TLL2: variants seen among roughly 807,000 people sequenced by gnomAD.
TLL2 encodes tolloid like 2.
Under a neutral mutation model 123.0 loss-of-function variants are expected in TLL2, and 106 were observed. That is an observed-to-expected ratio of 0.86 (90% confidence interval 0.74 to 1.01). TLL2 has a LOEUF of 1.01. Among genes scored for constraint, TLL2 ranks in the 50% least tolerant of loss-of-function variants. The pLI is 0.00. For synonymous variants in TLL2, 494 were observed against 516.8 expected, an observed-to-expected ratio of 0.96 and a Z score of 0.60; for missense variants, 1,332 against 1,336.7, an observed-to-expected ratio of 1.00 and a Z score of 0.06.
At chr10:96,476,240 A>ATTTTTTTTTTT (rs1554939630) in intron 2 of TLL2, among the ~76,000 whole-genome samples, 1 of 20,490 alleles carries the variant, frequency 4.9e-5, no homozygotes, top group African/African-American at 1.7e-4. Context: ...ATATATATAT[A>ATTTTTTTTTTT]TTTTATTTTT....
intron 1 of TLL2, among the ~76,000 whole-genome samples, chr10:96,492,239 G>A (rs1257262143): frequency 2.6e-4 from 39 of 149,526 alleles, no homozygotes; most frequent in Admixed American, 1.3e-4. Flanking sequence ...AAAAAAAAAA[G>A]GCCATGAGGG....
intron 3 of TLL2, among the ~76,000 whole-genome samples, chr10:96,435,955 G>A (rs1227574752): frequency 6.6e-6 from 1 of 151,820 alleles, no homozygotes; most frequent in African/African-American, 2.4e-5. Flanking sequence ...TTTCTTCTTT[G>A]ACCTCTGAAT....
intron 1 of TLL2, among the ~76,000 whole-genome samples, chr10:96,512,335 T>G (rs1214025466): frequency 2.0e-5 from 3 of 152,190 alleles, no homozygotes; most frequent in African/African-American, 7.2e-5. Flanking sequence ...TGCAGAGAAT[T>G]TTCCCACAAA....
At chr10:96,423,918 GA>G (rs1846651510) in intron 5 of TLL2, among the ~76,000 whole-genome samples, 1 of 152,128 alleles carries the variant, frequency 6.6e-6, no homozygotes, top group Non-Finnish European at 1.5e-5. Flanking sequence ...AATGGATAAA[GA>G]AAATGTGTAC....
At chr10:96,466,066 G>T (rs909681652) in intron 2 of TLL2, among the ~76,000 whole-genome samples, 1 of 152,244 alleles carries the variant, frequency 6.6e-6, no homozygotes, top group Admixed American at 6.5e-5. Flanking sequence ...GGAAAGTCAT[G>T]CCTATAGGTG....
chr10:96,367,685 A>C lies in TLL2; in HGVS notation c.*403T>G, dbSNP rs994787506. On this transcript the variant is annotated 3_prime_UTR_variant, in exon 21 of 21. Coordinates refer to ENST00000357947, the MANE Select transcript of TLL2 (RefSeq NM_012465.4). ...GGCCAAGTTTTCATCCCTTATGCCC[A>C]ACATGGACAGAAGACAGCCTGGCAC... The C allele has an allele frequency of 6.0e-6, 1 of 166,622 alleles. No homozygotes were observed. The highest frequency in any genetic ancestry group is 2.4e-5 in the African/African-American group (1 of 42,020). 10.3% of individuals were successfully genotyped at this position (166,622 alleles called of 1,614,324 possible). A position where few individuals can be genotyped will look rare whatever the true frequency, so the allele number is the denominator to read the frequency against.
chr10:96,392,439 G>C (rs924059084), intron 13 of TLL2, among the ~76,000 whole-genome samples: 8 of 150,438 alleles, frequency 5.3e-5, no homozygotes, highest in African/African-American at 2.0e-4. Flanking sequence ...AATGTAACTA[G>C]GCATCCTGTT....
intron 2 of TLL2, among the ~76,000 whole-genome samples, chr10:96,478,369 G>C (rs1305164486): frequency 6.6e-6 from 1 of 152,214 alleles, no homozygotes; most frequent in East Asian, 1.9e-4. Flanking sequence ...TCTTCTAAAT[G>C]AGTATGCACC....
At chr10:96,457,487 C>A (rs1169249529) in intron 2 of TLL2, among the ~76,000 whole-genome samples, 1 of 152,214 alleles carries the variant, frequency 6.6e-6, no homozygotes, top group Non-Finnish European at 1.5e-5. Context: ...CCTTCCTTCA[C>A]AGAAACAACT....
chr10:96,509,931 AGC>A (rs1330366871), intron 1 of TLL2, among the ~76,000 whole-genome samples: 43 of 152,264 alleles, frequency 2.8e-4, no homozygotes, highest in Non-Finnish European at 4.4e-5. Flanking sequence ...TGGGCGACAG[AGC>A]GAGACTCCGT....
chr10:96,385,941 T>C (rs549900648), intron 15 of TLL2, 114 bp downstream of exon 15: 5 of 1,182,462 alleles, frequency 4.2e-6, no homozygotes, highest in East Asian at 2.7e-5. Flanking sequence ...CCTAAGACTG[T>C]CCAAAGCTTC....
chr10:96,464,385 A>G lies in TLL2; in HGVS notation c.286+15964T>C, dbSNP rs146472154. Among the ~76,000 whole-genome samples the G allele has an allele frequency of 3.4e-3, 514 of 152,066 alleles. 5 individuals carry two copies. The highest frequency in any genetic ancestry group is 0.012 in the African/African-American group (491 of 41,476). ...GGTGGCAGAGCCAGATTCCATCTCAAAAATAAATAAATTAATTAATTAAAC... is the reference window on the plus strand; with the variant it reads ...GGTGGCAGAGCCAGATTCCATCTCAGAAATAAATAAATTAATTAATTAAAC... On this transcript the variant is annotated intron_variant, in intron 2 of 20. Transcript: ENST00000357947.
At chr10:96,421,345 C>G (rs1846618724) in intron 6 of TLL2, among the ~76,000 whole-genome samples, 1 of 151,992 alleles carries the variant, frequency 6.6e-6, no homozygotes, top group Non-Finnish European at 1.5e-5. Flanking sequence ...ACTTGCTTGC[C>G]CCCGCAAAAA....
intron 2 of TLL2, among the ~76,000 whole-genome samples, chr10:96,464,560 C>T (rs1020860291): frequency 7.9e-5 from 12 of 152,086 alleles, no homozygotes; most frequent in African/African-American, 2.7e-4. Context: ...CGTGCCAGCC[C>T]GGGGCAGGAA....
intron 1 of TLL2, among the ~76,000 whole-genome samples, chr10:96,484,524 A>G (rs1444244386): frequency 6.6e-6 from 1 of 152,038 alleles, no homozygotes; most frequent in Non-Finnish European, 1.5e-5. Context: ...TGATTCATCT[A>G]TAGAGATAAT....
intron 4 of TLL2, among the ~76,000 whole-genome samples, chr10:96,430,370 C>T (rs1427605779): frequency 3.9e-5 from 6 of 152,216 alleles, no homozygotes; most frequent in African/African-American, 1.4e-4. Flanking sequence ...GAGGCCTCAC[C>T]AGGAGCAGAT....
At chr10:96,452,676 G>C (rs1846973378) in intron 2 of TLL2, among the ~76,000 whole-genome samples, 1 of 152,226 alleles carries the variant, frequency 6.6e-6, no homozygotes, top group Non-Finnish European at 1.5e-5. Context: ...TCTGACTCCA[G>C]AATCCATGCT....
chr10:96,423,862 A>T (rs1438630197), intron 5 of TLL2, among the ~76,000 whole-genome samples: 1 of 152,200 alleles, frequency 6.6e-6, no homozygotes, highest in Non-Finnish European at 1.5e-5. Flanking sequence ...AGCACTGTTC[A>T]TGATAGCTAA....
At chr10:96,396,357 C>T (rs922097550) in intron 11 of TLL2, among the ~76,000 whole-genome samples, 2 of 152,132 alleles carry the variant, frequency 1.3e-5, no homozygotes, top group African/African-American at 2.4e-5. Flanking sequence ...GGGAGCGCTG[C>T]GTAGCCGTGA....
Sources: allele counts gnomAD v4.1 joint callset (sites outside exome capture counted in the v4.1 genomes callset), GRCh38; gene constraint gnomAD v4.1.1; transcripts MANE v1.5; gene names NCBI Gene and HGNC (gene_info 2026-07-23, HGNC 2026-07-21).